GPR158: variants seen among roughly 807,000 people sequenced by gnomAD.
GPR158 encodes metabotropic glycine receptor.
In GPR158, 30 loss-of-function variants were observed where a neutral mutation model predicts 78.2. That is an observed-to-expected ratio of 0.38 (90% CI 0.29 to 0.52). The LOEUF (loss-of-function observed/expected upper bound fraction) is 0.52. Ranked by LOEUF, GPR158 falls within the 20% of genes least tolerant of loss-of-function variation. The probability of loss-of-function intolerance (pLI) is 0.83; values close to 1 mark genes in which losing one functional copy is unlikely to be tolerated. For synonymous variants in GPR158, 581 were observed against 591.1 expected (o/e 0.98, Z 0.25); for missense variants, 1,463 against 1,523.5 (o/e 0.96, Z 0.66).
At chr10:25,533,245 A>C (rs1448145236) in intron 5 of GPR158, among the ~76,000 whole-genome samples, 1 of 152,132 alleles carries the variant, frequency 6.6e-6, no homozygotes, top group African/African-American at 2.4e-5. Context: ...TCCCAATTCC[A>C]CACGTGGCTT....
chr10:25,563,526 G>A (rs1156345674), intron 6 of GPR158, among the ~76,000 whole-genome samples: 1 of 152,024 alleles, frequency 6.6e-6, no homozygotes. Flanking sequence ...ATTACTGCCT[G>A]CTTGGTAAAT....
chr10:25,289,514 G>A (rs1307351300), intron 2 of GPR158, among the ~76,000 whole-genome samples: 7 of 152,048 alleles, frequency 4.6e-5, no homozygotes, highest in African/African-American at 7.2e-5. Flanking sequence ...CTCACTACAA[G>A]CTCTGCCTCC....
chr10:25,491,181 T>C (rs1835804430), intron 5 of GPR158, among the ~76,000 whole-genome samples: 1 of 152,202 alleles, frequency 6.6e-6, no homozygotes, highest in South Asian at 2.1e-4. Context: ...TATAGATCTT[T>C]GTAAAAGAGT....
chr10:25,279,924 A>C (rs1854243673), intron 2 of GPR158, among the ~76,000 whole-genome samples: 1 of 151,908 alleles, frequency 6.6e-6, no homozygotes, highest in African/African-American at 2.4e-5. Context: ...GATTAATTTT[A>C]GACTTTTGTG....
chr10:25,342,686 T>C (rs1314548644), intron 2 of GPR158, among the ~76,000 whole-genome samples: 1 of 151,964 alleles, frequency 6.6e-6, no homozygotes, highest in African/African-American at 2.4e-5. Flanking sequence ...TGCCTTTATT[T>C]ACTGATGGTA....
intron 6 of GPR158, among the ~76,000 whole-genome samples, chr10:25,568,161 T>G (rs1836956686): frequency 3.3e-5 from 5 of 152,136 alleles, no homozygotes; most frequent in Admixed American, 2.6e-4. Context: ...TTTCAGGCCC[T>G]GCTGATGTCC....
chr10:25,266,857 T>C (rs1220014775), intron 2 of GPR158, among the ~76,000 whole-genome samples: 8 of 152,160 alleles, frequency 5.3e-5, no homozygotes, highest in Non-Finnish European at 1.2e-4. Flanking sequence ...TCCATGAAAA[T>C]ACTAGTGAAA....
At chr10:25,529,700 T>TG (rs1351332337) in intron 5 of GPR158, among the ~76,000 whole-genome samples, 2 of 152,178 alleles carry the variant, frequency 1.3e-5, no homozygotes, top group African/African-American at 4.8e-5. Flanking sequence ...AAGATTGAGA[T>TG]GGGGTTAAAG....
intron 3 of GPR158, among the ~76,000 whole-genome samples, chr10:25,405,617 T>C (rs1163967215): frequency 6.7e-6 from 1 of 149,954 alleles, no homozygotes; most frequent in Non-Finnish European, 1.5e-5. Context: ...GTAGTTTGAT[T>C]AGCCCAGATC....
rs562447091 is a variant in GPR158, at chr10:25,591,241, CTACT to C, written c.1892+2099_1892+2102del. On this transcript the variant is annotated intron_variant, in intron 8 of 10. Coordinates refer to ENST00000376351, the MANE Select transcript of GPR158 (RefSeq NM_020752.3). The stretch of plus-strand genomic sequence containing the variant: ...CTGAGAAGTCCTGCTGCAAGGAAAC[CTACT>C]TAATTTTATTTAACCAGCATTTTGC... 2.1e-3 allele frequency among the ~76,000 whole-genome samples: 312 copies of C among 152,168 alleles called. 1 individual carries two copies. The highest frequency in any genetic ancestry group is 7.3e-3 in the African/African-American group (302 of 41,530).
At chr10:25,202,540 C>T (rs968271181) in intron 1 of GPR158, among the ~76,000 whole-genome samples, 4 of 152,112 alleles carry the variant, frequency 2.6e-5, no homozygotes, top group South Asian at 4.2e-4. Context: ...TTGCTCAGAA[C>T]GATGGTTTCC....
intron 4 of GPR158, among the ~76,000 whole-genome samples, chr10:25,453,092 T>C (rs1352538423): frequency 6.6e-6 from 1 of 152,198 alleles, no homozygotes; most frequent in African/African-American, 2.4e-5. Context: ...TTCCATTGTG[T>C]ACATACACCA....
chr10:25,552,617 A>G (rs1836740767), intron 6 of GPR158, among the ~76,000 whole-genome samples: 1 of 152,214 alleles, frequency 6.6e-6, no homozygotes, highest in Admixed American at 6.5e-5. Context: ...CCCAGCACTC[A>G]GCACAAATGA....
At chr10:25,239,383 C>CTGAT (rs1853573618) in intron 2 of GPR158, among the ~76,000 whole-genome samples, 1 of 151,880 alleles carries the variant, frequency 6.6e-6, no homozygotes, top group Non-Finnish European at 1.5e-5. Flanking sequence ...GGCAGATCTC[C>CTGAT]TGAGAGATCT....
chr10:25,497,354 CTTCCCAATGTAT>C (rs988375307), intron 5 of GPR158, among the ~76,000 whole-genome samples: 18 of 152,174 alleles, frequency 1.2e-4, no homozygotes, highest in African/African-American at 4.3e-4. Context: ...TAATACAGCA[CTTCCCAATGTAT>C]TTCCCATGAG....
chr10:25,548,080 C>T (rs182881745), intron 5 of GPR158, among the ~76,000 whole-genome samples: 1 of 152,016 alleles, frequency 6.6e-6, no homozygotes, highest in East Asian at 1.9e-4. Context: ...GATTAGGAAG[C>T]CCTAATCAGT....
chr10:25,432,008 TAAAATA>T (rs200850590), intron 4 of GPR158, among the ~76,000 whole-genome samples: 803 of 74,274 alleles, frequency 0.011, 8 homozygotes, highest in African/African-American at 0.03. Context: ...ATAATAATAA[TAAAATA>T]AAAAAAAATG....
At chr10:25,485,396 A>C (rs1264605161) in intron 5 of GPR158, among the ~76,000 whole-genome samples, 2 of 152,132 alleles carry the variant, frequency 1.3e-5, no homozygotes, top group Non-Finnish European at 2.9e-5. Context: ...AAATAGAATC[A>C]TATAAATAAA....
At chr10:25,555,467 G>A (rs146913383) in intron 6 of GPR158, among the ~76,000 whole-genome samples, 20 of 152,316 alleles carry the variant, frequency 1.3e-4, no homozygotes, top group African/African-American at 4.8e-4. Context: ...ATATACTGAT[G>A]TGGGGCAGAT....
Sources: gnomAD v4.1 joint callset for allele counts (sites outside exome capture counted in the v4.1 genomes callset) on GRCh38, gnomAD v4.1.1 for gene constraint, MANE v1.5 for transcripts, NCBI Gene and HGNC (gene_info 2026-07-23, HGNC 2026-07-21) for gene names.